PAPPA2: variants seen among roughly 807,000 people sequenced by gnomAD.
PAPPA2 encodes pappalysin-2.
PAPPA2 carries 86 observed loss-of-function variants against 176.4 expected under a neutral mutation model. The observed-to-expected ratio is 0.49, with a 90% CI of 0.41 to 0.58. The LOEUF (loss-of-function observed/expected upper bound fraction) is 0.58. PAPPA2 is among the 20% of genes least tolerant of loss of function. PAPPA2 has a pLI of 0.00. For synonymous variants in PAPPA2, 809 were observed against 852.2 expected, an observed-to-expected ratio of 0.95 and a Z score of 0.88; for missense variants, 2,073 against 2,256.9, an observed-to-expected ratio of 0.92 and a Z score of 1.65.
chr1:176,699,269 C>T lies in PAPPA2; in HGVS notation c.2916C>T (p.Ser972=), dbSNP rs370191809. 6.2e-7 allele frequency: 1 copy of T among 1,614,174 alleles called. No individual in the cohort carries two copies. The highest frequency in any genetic ancestry group is 1.1e-5 in the South Asian group (1 of 91,080). The change falls in exon 8 of 23, where the codon TCC becomes TCT. Residue 972 remains serine, a synonymous_variant. Transcript: ENST00000367662. The stretch of plus-strand genomic sequence containing the variant: ...ACACCCTCACCCTGTGGGTCACTTC[C>T]TTCTTCATGGAGTCCTCGCAGGTCC... The part of the protein sequence containing the change: ...QADTLTLWVT[S]FFMESSQVLF...
intron 4 of PAPPA2, among the ~76,000 whole-genome samples, chr1:176,684,304 G>A (rs1659730270): frequency 6.6e-6 from 1 of 152,150 alleles, no homozygotes; most frequent in African/African-American, 2.4e-5. Flanking sequence ...GTACTTTAAA[G>A]CTTCCCCTGA....
chr1:176,634,811 T>G (rs1029783232), intron 3 of PAPPA2, among the ~76,000 whole-genome samples: 10 of 133,362 alleles, frequency 7.5e-5, no homozygotes, highest in Non-Finnish European at 1.3e-4. Flanking sequence ...GATAGATAGA[T>G]AGATAGATAG....
At chr1:176,663,850 C>T (rs754914801) in intron 3 of PAPPA2, among the ~76,000 whole-genome samples, 5 of 152,066 alleles carry the variant, frequency 3.3e-5, no homozygotes, top group Admixed American at 2.6e-4. Context: ...CTACACTTTT[C>T]TTTTGTGTGC....
intron 2 of PAPPA2, 86 bp downstream of exon 2, chr1:176,557,327 G>C: frequency 1.4e-6 from 2 of 1,429,490 alleles, no homozygotes; most frequent in Non-Finnish European, 1.8e-6. Flanking sequence ...AGCGAGGATG[G>C]GAAGGGGACC....
chr1:176,643,554 C>T (rs1657218760), intron 3 of PAPPA2, among the ~76,000 whole-genome samples: 1 of 151,140 alleles, frequency 6.6e-6, no homozygotes, highest in Admixed American at 6.6e-5. Flanking sequence ...ACCAGGAGTA[C>T]CAGTATACAC....
At chr1:176,802,024 G>A (rs570306591) in intron 21 of PAPPA2, among the ~76,000 whole-genome samples, 7 of 152,196 alleles carry the variant, frequency 4.6e-5, no homozygotes, top group African/African-American at 1.7e-4. Flanking sequence ...TGGTTCCCCT[G>A]CTCCAGTGGT....
intron 1 of PAPPA2, among the ~76,000 whole-genome samples, chr1:176,483,470 T>C (rs1652502228): frequency 7.8e-6 from 1 of 129,016 alleles, no homozygotes. Flanking sequence ...CTTTTTTTTT[T>C]TTTTTTTTTT....
chr1:176,799,956 T>G, intron 20 of PAPPA2, 105 bp from the exon 21 acceptor site: 67 of 1,146,882 alleles, frequency 5.8e-5, no homozygotes, highest in Non-Finnish European at 6.6e-5. Flanking sequence ...ACTAGCTGCT[T>G]GAGAAATGGA....
chr1:176,539,888 G>A, intron 1 of PAPPA2, among the ~76,000 whole-genome samples: 1 of 152,118 alleles, frequency 6.6e-6, no homozygotes, highest in East Asian at 1.9e-4. Flanking sequence ...GGCTGAGCCT[G>A]ATGCTGAAAG....
intron 4 of PAPPA2, among the ~76,000 whole-genome samples, chr1:176,678,863 A>G (rs1256064710): frequency 3.9e-5 from 6 of 152,266 alleles, no homozygotes; most frequent in Non-Finnish European, 5.9e-5. Context: ...GTGTATGTTA[A>G]AAATGTAAAA....
intron 1 of PAPPA2, among the ~76,000 whole-genome samples, chr1:176,470,321 A>C (rs1651813079): frequency 6.6e-6 from 1 of 152,156 alleles, no homozygotes; most frequent in South Asian, 2.1e-4. Flanking sequence ...TCTGCTTTTC[A>C]GAGGCCACAT....
intron 6 of PAPPA2, 84 bp downstream of exon 6, chr1:176,692,402 G>A: frequency 7.4e-7 from 1 of 1,356,456 alleles, no homozygotes; most frequent in East Asian, 2.3e-5. Flanking sequence ...TGAATCCAGG[G>A]GAACTCCAAT....
intron 2 of PAPPA2, among the ~76,000 whole-genome samples, chr1:176,593,379 G>T (rs549006041): frequency 6.6e-6 from 1 of 152,266 alleles, no homozygotes; most frequent in Non-Finnish European, 1.5e-5. Context: ...CCAGGTATCT[G>T]ATCCAAAGAC....
intron 10 of PAPPA2, among the ~76,000 whole-genome samples, chr1:176,706,706 T>C (rs1406984273): frequency 6.6e-6 from 1 of 152,146 alleles, no homozygotes; most frequent in African/African-American, 2.4e-5. Context: ...AAGTCAGCAT[T>C]TGAACTAAGG....
chr1:176,487,134 T>C (rs1032644777), intron 1 of PAPPA2, among the ~76,000 whole-genome samples: 1 of 152,162 alleles, frequency 6.6e-6, no homozygotes, highest in African/African-American at 2.4e-5. Flanking sequence ...ACGTATCTTA[T>C]AAAATATGGA....
intron 17 of PAPPA2, among the ~76,000 whole-genome samples, chr1:176,775,339 G>T (rs2102918542): frequency 6.6e-6 from 1 of 152,188 alleles, no homozygotes; most frequent in Middle Eastern, 3.4e-3. Flanking sequence ...AAATAGTAAA[G>T]GAAAGGAGAG....
intron 17 of PAPPA2, among the ~76,000 whole-genome samples, chr1:176,780,985 T>C (rs556441601): frequency 6.6e-6 from 1 of 152,332 alleles, no homozygotes; most frequent in East Asian, 1.9e-4. Flanking sequence ...ATGTTGTTTT[T>C]AGTTTGGGGT....
intron 1 of PAPPA2, among the ~76,000 whole-genome samples, chr1:176,487,771 G>C (rs114014772): frequency 6.6e-6 from 1 of 152,186 alleles, no homozygotes; most frequent in Non-Finnish European, 1.5e-5. Flanking sequence ...TTAGAGTCAA[G>C]TAGGGGTCAG....
chr1:176,548,748 G>T (rs1650773314), intron 1 of PAPPA2, among the ~76,000 whole-genome samples: 2 of 152,174 alleles, frequency 1.3e-5, no homozygotes, highest in African/African-American at 4.8e-5. Flanking sequence ...TGAGATAATA[G>T]ATTTACATTG....
Sources: allele counts gnomAD v4.1 joint callset (sites outside exome capture counted in the v4.1 genomes callset), GRCh38; gene constraint gnomAD v4.1.1; transcripts MANE v1.5; gene names NCBI Gene and HGNC (gene_info 2026-07-23, HGNC 2026-07-21).